The following CCNL1 variants were observed in gnomAD, a reference collection of about 807,000 sequenced individuals.
CCNL1 encodes the protein cyclin L1.
A neutral mutation model predicts 60.6 loss-of-function variants in CCNL1; 13 were observed. That is an observed-to-expected ratio of 0.21 (90% CI 0.14 to 0.34). The LOEUF is 0.34. CCNL1 is among the 10% of genes least tolerant of loss of function. The probability of loss-of-function intolerance (pLI) is 1.00; values close to 1 mark genes in which losing one functional copy is unlikely to be tolerated. For missense variants in CCNL1, 481 were observed against 664.3 expected, an observed-to-expected ratio of 0.72 and a Z score of 3.03; for synonymous variants, 270 against 244.3, an observed-to-expected ratio of 1.10 and a Z score of -0.98.
rs891945998 is a variant in CCNL1 at position 157,153,340 on chromosome 3, C to A, written c.489-184G>T. Reference sequence around the variant, plus strand: ...TATGCTAATTAAATATATACATCTACGAGACTAAGTTCCTAAAGGAACTAA... The same window carrying A: ...TATGCTAATTAAATATATACATCTAAGAGACTAAGTTCCTAAAGGAACTAA... On this transcript the variant is annotated intron_variant, in intron 3 of 10. Coordinates refer to ENST00000295926, the MANE Select transcript of CCNL1 (RefSeq NM_020307.4). The A allele has an allele frequency of 1.8e-5, 9 of 504,528 alleles. No individual in the cohort carries two copies. In the Admixed American group the frequency reaches 2.5e-4, roughly 14 times the overall value. The allele number at this position is 504,528 out of a possible 1,614,324, so 31.3% of individuals were successfully genotyped here.
intron 2 of CCNL1, 90 bp from the exon 3 acceptor site, chr3:157,159,065 T>C (rs1738846823): frequency 1.2e-6 from 1 of 851,822 alleles, no homozygotes; most frequent in Non-Finnish European, 1.9e-6. Context: ...CAACCTTTAG[T>C]AAAATTAGAG....
intron 3 of CCNL1, among the ~76,000 whole-genome samples, chr3:157,157,642 A>G (rs942948669): frequency 1.3e-5 from 2 of 152,190 alleles, no homozygotes; most frequent in African/African-American, 2.4e-5. Flanking sequence ...CTCATCAACA[A>G]ACTAAAAGAT....
chr3:157,148,701 C>A (rs1224843020), intron 10 of CCNL1, 112 bp from the exon 11 acceptor site: 6 of 938,348 alleles, frequency 6.4e-6, no homozygotes, highest in Non-Finnish European at 9.4e-6. Context: ...AAATGACAAA[C>A]CAGAACTTTT....
intron 5 of CCNL1, chr3:157,151,896 G>A: frequency 8.0e-7 from 1 of 1,255,830 alleles, no homozygotes; most frequent in South Asian, 1.4e-5. Context: ...GAAGTGCAGA[G>A]GGCAGAGTTC....
At chr3:157,143,637 T>A (rs1018544673), downstream of CCNL1, among the ~76,000 whole-genome samples, 12 of 152,262 alleles carry the variant, frequency 7.9e-5, 1 homozygote, top group East Asian at 2.3e-3. Context: ...GTGGTAAGCA[T>A]TATGAAAAAA....
downstream of CCNL1, among the ~76,000 whole-genome samples, chr3:157,145,474 G>T (rs1737757650): frequency 8.4e-6 from 1 of 119,236 alleles, no homozygotes; most frequent in Admixed American, 9.9e-5. Flanking sequence ...ACCAAAACGG[G>T]ATTTAATTTG....
intron 10 of CCNL1, among the ~76,000 whole-genome samples, chr3:157,148,795 T>C (rs970471661): frequency 2.0e-5 from 3 of 152,188 alleles, no homozygotes; most frequent in Non-Finnish European, 2.9e-5. Context: ...TATGTCTTTA[T>C]TCCAAGGGGA....
At chr3:157,149,136 AT>A in intron 10 of CCNL1, 150 bp downstream of exon 10, 1 of 627,710 alleles carries the variant, frequency 1.6e-6, no homozygotes, top group South Asian at 2.0e-5. Flanking sequence ...TGTCCAGAAC[AT>A]CTCCAAACTC....
intron 5 of CCNL1, chr3:157,150,750 AAT>A (rs1738125961): frequency 3.0e-6 from 3 of 1,006,066 alleles, no homozygotes; most frequent in Non-Finnish European, 3.6e-6. Flanking sequence ...TCAAGCCATT[AAT>A]TACTGACCAT....
chr3:157,149,755 G>A, intron 8 of CCNL1, 81 bp downstream of exon 8: 1 of 1,534,504 alleles, frequency 6.5e-7, no homozygotes, highest in Non-Finnish European at 8.8e-7. Flanking sequence ...TTTTCTCTAT[G>A]CAACTTTCAA....
intron 10 of CCNL1, chr3:157,149,078 C>T (rs575345352): frequency 1.8e-6 from 1 of 562,034 alleles, no homozygotes; most frequent in South Asian, 2.3e-5. Flanking sequence ...CTACACTTCT[C>T]CAAAAAACAT....
chr3:157,148,877 T>C (rs1007142524), intron 10 of CCNL1: 47 of 386,500 alleles, frequency 1.2e-4, no homozygotes, highest in Non-Finnish European at 1.8e-4. Flanking sequence ...TCAAAAGACA[T>C]TGAAGAGCCA....
At chr3:157,148,802 G>A (rs999625412) in intron 10 of CCNL1, 11 of 524,626 alleles carry the variant, frequency 2.1e-5, no homozygotes, top group Admixed American at 7.3e-5. Flanking sequence ...TTATTCCAAG[G>A]GGAGTAATTA....
intron 5 of CCNL1, chr3:157,151,005 G>C: frequency 2.0e-6 from 2 of 985,206 alleles, no homozygotes; most frequent in Non-Finnish European, 2.4e-6. Flanking sequence ...AAAAATTGCT[G>C]AACTTTTATT....
intron 3 of CCNL1, among the ~76,000 whole-genome samples, chr3:157,155,383 C>T (rs548189450): frequency 1.1e-4 from 17 of 152,240 alleles, no homozygotes; most frequent in African/African-American, 4.1e-4. Context: ...ACTATTTAGT[C>T]CCAAATCAGA....
At chr3:157,151,489 C>G (rs2108118540) in intron 5 of CCNL1, 1 of 985,840 alleles carries the variant, frequency 1.0e-6, no homozygotes, top group East Asian at 1.1e-4. Flanking sequence ...TTATTACCCG[C>G]AATACAGCCA....
At chr3:157,158,422 T>TA (rs1332129390) in intron 3 of CCNL1, among the ~76,000 whole-genome samples, 22 of 152,332 alleles carry the variant, frequency 1.4e-4, no homozygotes, top group Admixed American at 1.3e-4. Flanking sequence ...CCTCAATTGA[T>TA]AAAGAATTAA....
intron 3 of CCNL1, 81 bp downstream of exon 3, chr3:157,158,783 GAA>G (rs1738822672): frequency 2.3e-6 from 2 of 852,050 alleles, no homozygotes; most frequent in Non-Finnish European, 3.7e-6. Flanking sequence ...GTATTCACTT[GAA>G]AGGAAAGATG....
In CCNL1 at chr3:157,150,187, A is replaced by C. The variant is rs774569451; in HGVS notation, c.775-18T>G. The C allele has an allele frequency of 1.2e-6, 2 of 1,608,736 alleles. No individual in the cohort carries two copies. Among genetic ancestry groups the C allele is most frequent in the Non-Finnish European group, 1.7e-6 (2 of 1,177,458 alleles). On this transcript the variant is annotated intron_variant, in intron 6 of 10. Transcript: ENST00000295926. ...AACGGAATCTAAACCATAAGAACAG[A>C]ATGTTTTAAATTAAATTTTTGCTAA...
Sources: gnomAD v4.1 joint callset for allele counts (sites outside exome capture counted in the v4.1 genomes callset) on GRCh38, gnomAD v4.1.1 for gene constraint, MANE v1.5 for transcripts, NCBI Gene and HGNC (gene_info 2026-07-23, HGNC 2026-07-21) for gene names.